Variants in PUDP observed in about 807,000 individuals in gnomAD.
PUDP encodes pseudouridine 5'-phosphatase.
PUDP carries 8 observed loss-of-function variants against 9.4 expected under a neutral mutation model. The observed-to-expected ratio is 0.85, with a 90% CI of 0.50 to 1.53. The LOEUF (loss-of-function observed/expected upper bound fraction) is 1.53, where lower values mean the gene tolerates loss of function less well. Among genes scored for constraint, PUDP ranks in the 40% most tolerant of loss-of-function variants. The probability of loss-of-function intolerance (pLI) is 0.00; values close to 1 mark genes in which losing one functional copy is unlikely to be tolerated. For synonymous variants in PUDP, 99 were observed against 80.7 expected, an observed-to-expected ratio of 1.23 and a Z score of -1.22; for missense variants, 188 against 189.7, an observed-to-expected ratio of 0.99 and a Z score of 0.05.
At chrX:6,752,718 G>T (rs999398865) in intron 3 of PUDP, among the ~76,000 whole-genome samples, 1 of 110,701 alleles carries the variant, frequency 9.0e-6, no homozygotes, top group Non-Finnish European at 1.9e-5. Flanking sequence ...CCTAGATTCT[G>T]CCTGGATGAT....
At chrX:6,969,695 A>G (rs1928841505) in intron 3 of PUDP, among the ~76,000 whole-genome samples, 1 of 111,815 alleles carries the variant, frequency 8.9e-6, no homozygotes, top group African/African-American at 3.2e-5. Context: ...TGAGCAACAT[A>G]GAAAGATCCA....
At chrX:6,719,442 C>T (rs947120561) in intron 1 of PUDP, among the ~76,000 whole-genome samples, 1 of 112,313 alleles carries the variant, frequency 8.9e-6, no homozygotes, top group Non-Finnish European at 1.9e-5. Context: ...ATAGAAACAT[C>T]TAAGCTATGC....
chrX:7,143,717 G>A (rs1414525954), intron 1 of PUDP, among the ~76,000 whole-genome samples: 2 of 111,856 alleles, frequency 1.8e-5, no homozygotes, highest in Non-Finnish European at 3.8e-5. Flanking sequence ...ACCCTTAATA[G>A]GAACACACGT....
At chrX:7,095,728 A>C (rs1407150465) in intron 2 of PUDP, among the ~76,000 whole-genome samples, 2 of 112,356 alleles carry the variant, frequency 1.8e-5, no homozygotes, top group Non-Finnish European at 3.8e-5. Flanking sequence ...TGCTGCCCAG[A>C]CTTAGAAAGT....
chrX:7,128,986 A>C (rs1932552658), intron 1 of PUDP, among the ~76,000 whole-genome samples: 1 of 111,903 alleles, frequency 8.9e-6, no homozygotes, highest in Non-Finnish European at 1.9e-5. Flanking sequence ...CTATGAATAA[A>C]GTATAATTGC....
chrX:7,008,206 C>T (rs766553262), intron 1 of PUDP, among the ~76,000 whole-genome samples: 30 of 110,717 alleles, frequency 2.7e-4, no homozygotes, highest in African/African-American at 8.9e-4. Flanking sequence ...CCTCGTGATC[C>T]GCCCTCCTCG....
At chrX:6,939,044 C>A (rs895206320) in intron 3 of PUDP, among the ~76,000 whole-genome samples, 1 of 109,846 alleles carries the variant, frequency 9.1e-6, no homozygotes, top group Non-Finnish European at 1.9e-5. Context: ...TTATGCAAAC[C>A]ACGGCTTTTT....
intron 3 of PUDP, among the ~76,000 whole-genome samples, chrX:6,799,329 A>G (rs767138489): frequency 8.9e-5 from 10 of 112,141 alleles, no homozygotes; most frequent in Non-Finnish European, 1.7e-4. Context: ...GAAAAACTTA[A>G]GTATTTTAGA....
At chrX:6,791,288 G>A (rs1925743268) in intron 3 of PUDP, among the ~76,000 whole-genome samples, 1 of 95,565 alleles carries the variant, frequency 1.0e-5, no homozygotes, top group Admixed American at 1.2e-4. Context: ...CAGGGAGGTT[G>A]AGTCTAGGTA....
chrX:6,918,082 T>G (rs987921736), intron 3 of PUDP, among the ~76,000 whole-genome samples: 1 of 112,096 alleles, frequency 8.9e-6, no homozygotes, highest in African/African-American at 3.2e-5. Context: ...ATTTCCTGCT[T>G]TTTAATAAGC....
intron 3 of PUDP, among the ~76,000 whole-genome samples, chrX:6,774,472 AG>A (rs1175909030): frequency 8.9e-6 from 1 of 112,167 alleles, no homozygotes; most frequent in Non-Finnish European, 1.9e-5. Context: ...CATTTGTCTC[AG>A]GGTGGGCAAT....
chrX:6,738,994 G>A (rs770515829), intron 3 of PUDP, among the ~76,000 whole-genome samples: 2 of 111,763 alleles, frequency 1.8e-5, no homozygotes, highest in South Asian at 3.8e-4. Flanking sequence ...AAACACCTGC[G>A]TTGAGTCACC....
intron 1 of PUDP, among the ~76,000 whole-genome samples, chrX:7,142,900 C>T (rs138908143): frequency 0.027 from 2,967 of 111,096 alleles, 46 homozygotes; most frequent in Middle Eastern, 0.042. Context: ...ATCTGCCTGC[C>T]TCTGCCTCCC....
At chrX:7,011,368 G>A (rs1472533948) in intron 1 of PUDP, among the ~76,000 whole-genome samples, 3 of 111,882 alleles carry the variant, frequency 2.7e-5, no homozygotes, top group African/African-American at 9.8e-5. Context: ...AACAGAGGGT[G>A]CAGGATGACG....
At chrX:7,095,568 C>A (rs755718273) in intron 2 of PUDP, among the ~76,000 whole-genome samples, 1 of 111,967 alleles carries the variant, frequency 8.9e-6, no homozygotes, top group Non-Finnish European at 1.9e-5. Context: ...ACTGGCATAG[C>A]CCCAGCACCG....
chrX:7,050,119 T>A lies in PUDP; in HGVS notation c.*177A>T, dbSNP rs1335293457. On this transcript the variant is annotated 3_prime_UTR_variant, in exon 4 of 4. Coordinates refer to ENST00000381077, the MANE Select transcript of PUDP (RefSeq NM_012080.5). ...TGTATTTTTTGTCTCAACCGTCAAGTCACATTTTATCAACACGTTAGACTG... is the reference window on the plus strand; with the variant it reads ...TGTATTTTTTGTCTCAACCGTCAAGACACATTTTATCAACACGTTAGACTG... The A allele has an allele frequency of 2.3e-6, 1 of 431,685 alleles. No homozygotes were observed. Among genetic ancestry groups the A allele is most frequent in the East Asian group, 4.0e-5 (1 of 25,260 alleles). 35.6% of individuals were successfully genotyped at this position (431,685 alleles called of 1,213,427 possible). A position where few individuals can be genotyped will look rare whatever the true frequency, so the allele number is the denominator to read the frequency against.
chrX:6,798,351 G>A (rs971908110), intron 3 of PUDP, among the ~76,000 whole-genome samples: 3 of 111,822 alleles, frequency 2.7e-5, no homozygotes, highest in African/African-American at 6.5e-5. Flanking sequence ...CCACCTGGCC[G>A]CACCCTTGAC....
At chrX:6,870,638 G>A in intron 3 of PUDP, among the ~76,000 whole-genome samples, 1 of 112,092 alleles carries the variant, frequency 8.9e-6, no homozygotes, top group Non-Finnish European at 1.9e-5. Context: ...TAATACAATT[G>A]AACACTTAAA....
In PUDP at chrX:7,077,438, G is replaced by C; in HGVS notation, c.292C>G (p.Leu98Val). The change falls in exon 3 of 4, where the codon CTC becomes GTC. Residue 98 changes from leucine to valine, a missense_variant. Leu to Val is a conservative substitution (Grantham distance 32). Coordinates refer to ENST00000381077, the MANE Select transcript of PUDP (RefSeq NM_012080.5). ...TAALMPGAEK[L>V]IIHLRKHGIP... ...CCATGTTTCCGCAGGTGGATGATGAGTTTCTCCGCCCCTGGGGAGGAGGAG... is the reference window on the plus strand; with the variant it reads ...CCATGTTTCCGCAGGTGGATGATGACTTTCTCCGCCCCTGGGGAGGAGGAG... The C allele has an allele frequency of 8.3e-7, 1 of 1,208,725 alleles. No individual in the cohort carries two copies. The highest frequency in any genetic ancestry group is 1.1e-6 in the Non-Finnish European group (1 of 893,081).
Sources: gnomAD v4.1 joint callset for allele counts (sites outside exome capture counted in the v4.1 genomes callset) on GRCh38, gnomAD v4.1.1 for gene constraint, MANE v1.5 for transcripts, NCBI Gene and HGNC (gene_info 2026-07-23, HGNC 2026-07-21) for gene names.